Variants in MSH3 observed in about 807,000 individuals in gnomAD.
MSH3 encodes DNA mismatch repair protein Msh3.
In MSH3, 106 loss-of-function variants were observed where a neutral mutation model predicts 123.3. That is an observed-to-expected ratio of 0.86 (90% CI 0.73 to 1.01). The LOEUF (loss-of-function observed/expected upper bound fraction) is 1.01, where lower values mean the gene tolerates loss of function less well. MSH3 is among the 50% of genes least tolerant of loss of function. The pLI, the probability that MSH3 is intolerant of heterozygous loss-of-function variation, is 0.00. For missense variants in MSH3, 1,459 were observed against 1,347.6 expected (o/e 1.08, Z -1.29); for synonymous variants, 515 against 481.4 (o/e 1.07, Z -0.91).
intron 21 of MSH3, among the ~76,000 whole-genome samples, chr5:80,862,546 C>T (rs1260142875): frequency 6.6e-6 from 1 of 151,984 alleles, no homozygotes; most frequent in Non-Finnish European, 1.5e-5. Flanking sequence ...CCCCTTGAGC[C>T]CAGGTTCAAG....
chr5:80,703,189 C>T (rs1038671988), intron 8 of MSH3, among the ~76,000 whole-genome samples: 1 of 152,158 alleles, frequency 6.6e-6, no homozygotes, highest in African/African-American at 2.4e-5. Flanking sequence ...AATTGTGGTT[C>T]TGACTGAAAC....
intron 8 of MSH3, among the ~76,000 whole-genome samples, chr5:80,708,694 G>C (rs1750773864): frequency 6.6e-6 from 1 of 152,102 alleles, no homozygotes; most frequent in East Asian, 1.9e-4. Flanking sequence ...TTTGAAAAAT[G>C]ACCTAGATTT....
chr5:80,785,173 A>G (rs1323020399), intron 17 of MSH3, among the ~76,000 whole-genome samples: 1 of 152,190 alleles, frequency 6.6e-6, no homozygotes, highest in Non-Finnish European at 1.5e-5. Context: ...CCACACTACA[A>G]TAGAGAAATG....
At chr5:80,749,621 G>C (rs1743795638) in intron 12 of MSH3, among the ~76,000 whole-genome samples, 1 of 152,006 alleles carries the variant, frequency 6.6e-6, no homozygotes, top group South Asian at 2.1e-4. Flanking sequence ...AATATTCATG[G>C]GGTACAATGT....
At chr5:80,673,477 C>T (rs1285271435) in intron 6 of MSH3, among the ~76,000 whole-genome samples, 4 of 152,060 alleles carry the variant, frequency 2.6e-5, no homozygotes, top group Non-Finnish European at 5.9e-5. Flanking sequence ...TGCAGTGAGC[C>T]GTGATCATGC....
chr5:80,692,842 GATAA>G (rs1750342832), intron 8 of MSH3, among the ~76,000 whole-genome samples: 1 of 118,396 alleles, frequency 8.4e-6, no homozygotes, highest in Non-Finnish European at 1.8e-5. Context: ...TATATGTTTA[GATAA>G]ATATACATGC....
intron 12 of MSH3, among the ~76,000 whole-genome samples, chr5:80,758,985 G>T (rs1036212390): frequency 6.6e-6 from 1 of 152,242 alleles, no homozygotes; most frequent in African/African-American, 2.4e-5. Context: ...CTTTATATTT[G>T]TATAACATTT....
chr5:80,713,078 C>T (rs1353855123), intron 8 of MSH3, among the ~76,000 whole-genome samples: 2 of 152,108 alleles, frequency 1.3e-5, no homozygotes, highest in East Asian at 3.9e-4. Context: ...AGGATACTGT[C>T]CACCTTTAAC....
chr5:80,769,665 T>G (rs1028158608), intron 15 of MSH3, among the ~76,000 whole-genome samples: 1 of 152,078 alleles, frequency 6.6e-6, no homozygotes, highest in Non-Finnish European at 1.5e-5. Flanking sequence ...TAATAAAATA[T>G]GAAGATTCAA....
Position 80,654,889 on chromosome 5 carries a change from TGCAGCGGCCGCAGCGGC to T in MSH3, c.163_179del (p.Ala55ArgfsTer24), listed in dbSNP as rs766982358. On this transcript the variant is annotated frameshift_variant, in exon 1 of 24. Coordinates refer to ENST00000265081, the MANE Select transcript of MSH3 (RefSeq NM_002439.5). LOFTEE classifies it high-confidence loss of function. Reference sequence around the variant, plus strand: ...AGGTGGACCCTGGCGCTGCAGCGGCTGCAGCGGCCGCAGCGGCCGCAGCGCCCCCAGCGCCCCCAGCT... The same window carrying T: ...AGGTGGACCCTGGCGCTGCAGCGGCTCGCAGCGCCCCCAGCGCCCCCAGCT... The T allele has an allele frequency of 4.8e-6, 4 of 825,138 alleles. No homozygotes were observed. Among genetic ancestry groups the T allele is most frequent in the South Asian group, 5.0e-5 (2 of 39,892 alleles). 51.1% of individuals were successfully genotyped at this position (825,138 alleles called of 1,614,324 possible). A position where few individuals can be genotyped will look rare whatever the true frequency, so the allele number is the denominator to read the frequency against.
rs1184425982 is a variant in MSH3, at chr5:80,832,777, A to G, written c.2813+19036A>G. On this transcript the variant is annotated intron_variant, in intron 20 of 23. Transcript: ENST00000265081. ...TTTTAAAAGCACTTGAAGTATGTCC[A>G]ATAATACTGTTGTAATAGGAATAAT... Among the ~76,000 whole-genome samples, 5 of 152,060 alleles carry G rather than the reference A, an allele frequency of 3.3e-5. No individual in the cohort carries two copies. In the East Asian group the frequency reaches 9.6e-4, roughly 29 times the overall value.
chr5:80,660,150 G>T (rs961851504), intron 2 of MSH3, among the ~76,000 whole-genome samples: 1 of 151,944 alleles, frequency 6.6e-6, no homozygotes, highest in African/African-American at 2.4e-5. Context: ...GTTCCACATG[G>T]CTGGGGAGGC....
intron 12 of MSH3, among the ~76,000 whole-genome samples, chr5:80,757,912 T>G (rs1743956526): frequency 6.6e-6 from 1 of 152,238 alleles, no homozygotes; most frequent in South Asian, 2.1e-4. Flanking sequence ...TCATTCTTGC[T>G]TATTTCCATT....
At chr5:80,672,964 T>C in intron 6 of MSH3, 106 bp downstream of exon 6, 2 of 871,524 alleles carry the variant, frequency 2.3e-6, no homozygotes, top group Non-Finnish European at 3.9e-6. Context: ...GGGAACTTTT[T>C]AGATGAGCTG....
chr5:80,662,615 T>G (rs1650679), intron 2 of MSH3, among the ~76,000 whole-genome samples: 41,084 of 151,958 alleles, frequency 0.27, 5,767 homozygotes, highest in Middle Eastern at 0.35. Flanking sequence ...TCACCTGAGT[T>G]CAGGAGTTCG....
At chr5:80,869,124 A>G (rs249634) in intron 22 of MSH3, among the ~76,000 whole-genome samples, 30,188 of 152,174 alleles carry the variant, frequency 0.2, 3,364 homozygotes, top group South Asian at 0.39. Flanking sequence ...ATCTTGAACA[A>G]GTCACCTAAC....
At chr5:80,766,225 G>A (rs1310083209) in intron 13 of MSH3, among the ~76,000 whole-genome samples, 1 of 151,908 alleles carries the variant, frequency 6.6e-6, no homozygotes, top group Non-Finnish European at 1.5e-5. Flanking sequence ...TTTCCTTAAG[G>A]ACAGTTTAAA....
At chr5:80,818,236 A>C (rs1454222123) in intron 20 of MSH3, among the ~76,000 whole-genome samples, 1 of 152,054 alleles carries the variant, frequency 6.6e-6, no homozygotes, top group African/African-American at 2.4e-5. Context: ...AATCAAACTG[A>C]AACTGTTCAG....
intron 22 of MSH3, among the ~76,000 whole-genome samples, chr5:80,865,310 A>G (rs914958065): frequency 6.6e-5 from 10 of 152,178 alleles, no homozygotes; most frequent in African/African-American, 2.4e-4. Flanking sequence ...TCATCTTTTA[A>G]AAACGCCCAA....
Sources: gnomAD v4.1 joint callset for allele counts (sites outside exome capture counted in the v4.1 genomes callset) on GRCh38, gnomAD v4.1.1 for gene constraint, MANE v1.5 for transcripts, NCBI Gene and HGNC (gene_info 2026-07-23, HGNC 2026-07-21) for gene names.